The following RIN2 variants were observed in gnomAD, a reference collection of about 807,000 sequenced individuals.
The protein encoded by RIN2 is Ras and Rab interactor 2.
In RIN2, 36 loss-of-function variants were observed where a neutral mutation model predicts 78.0. The ratio of observed to expected loss-of-function variants is 0.46; its 90% CI spans 0.35 to 0.61. RIN2 has a LOEUF of 0.61. RIN2 is among the 20% of genes least tolerant of loss of function. The pLI is 0.00. For missense variants in RIN2, 1,087 were observed against 1,159.7 expected, an observed-to-expected ratio of 0.94 and a Z score of 0.91; for synonymous variants, 466 against 466.8, an observed-to-expected ratio of 1.00 and a Z score of 0.02.
At chr20:19,855,564 C>T (rs113951456) in intron 2 of RIN2, among the ~76,000 whole-genome samples, 3 of 152,134 alleles carry the variant, frequency 2.0e-5, no homozygotes, top group African/African-American at 7.2e-5. Flanking sequence ...CTTACAACCC[C>T]TTCTGACCAT....
At chr20:19,839,687 C>A (rs921428682) in intron 2 of RIN2, among the ~76,000 whole-genome samples, 2 of 152,150 alleles carry the variant, frequency 1.3e-5, no homozygotes, top group African/African-American at 4.8e-5. Flanking sequence ...TTTCTTCTTG[C>A]ACCTTTGCAA....
intron 3 of RIN2, among the ~76,000 whole-genome samples, chr20:19,891,111 A>G (rs6046426): frequency 0.54 from 82,761 of 152,132 alleles, 22,883 homozygotes; most frequent in African/African-American, 0.67. Context: ...AGATCCTGGA[A>G]GAATGAGTTA....
chr20:19,968,674 T>C (rs1393228387), intron 7 of RIN2, among the ~76,000 whole-genome samples: 1 of 152,242 alleles, frequency 6.6e-6, no homozygotes, highest in African/African-American at 2.4e-5. Flanking sequence ...CTCCAGGTAC[T>C]GCATTGAGCA....
intron 1 of RIN2, among the ~76,000 whole-genome samples, chr20:19,759,091 C>T (rs1179089356): frequency 6.6e-6 from 1 of 152,210 alleles, no homozygotes; most frequent in Non-Finnish European, 1.5e-5. Context: ...ACCAGCTCGG[C>T]GTCCACCCAC....
chr20:19,986,881 C>T (rs1443241051), intron 9 of RIN2, among the ~76,000 whole-genome samples: 2 of 152,266 alleles, frequency 1.3e-5, no homozygotes, highest in Non-Finnish European at 2.9e-5. Flanking sequence ...TACACACATG[C>T]ACACCCATGT....
chr20:19,779,065 G>A (rs1340248734), intron 1 of RIN2, among the ~76,000 whole-genome samples: 1 of 152,170 alleles, frequency 6.6e-6, no homozygotes, highest in Non-Finnish European at 1.5e-5. Flanking sequence ...GATCCCACGA[G>A]AGCAATAATG....
chr20:19,781,822 A>G (rs1193616834), intron 1 of RIN2, among the ~76,000 whole-genome samples: 1 of 151,170 alleles, frequency 6.6e-6, no homozygotes, highest in African/African-American at 2.4e-5. Flanking sequence ...CCAGGTATCC[A>G]TCTGTGGCCA....
chr20:19,875,691 T>G (rs1346950455), intron 2 of RIN2, among the ~76,000 whole-genome samples: 1 of 152,082 alleles, frequency 6.6e-6, no homozygotes, highest in African/African-American at 2.4e-5. Flanking sequence ...GGTGCAGGCC[T>G]GCAGGATGGA....
rs1470591048 is a variant in RIN2 at position 19,975,172 on chromosome 20, GGCGCAGGCCC to G, written c.1149_1158del (p.Ala384SerfsTer43). The G allele has an allele frequency of 6.2e-7, 1 of 1,611,030 alleles. No individual in the cohort carries two copies. Among genetic ancestry groups the G allele is most frequent in the Non-Finnish European group, 8.5e-7 (1 of 1,179,028 alleles). On this transcript the variant is annotated frameshift_variant, in exon 9 of 13. Coordinates refer to ENST00000255006, the MANE Select transcript of RIN2 (RefSeq NM_018993.4). LOFTEE classifies it high-confidence loss of function. This position sits in a 1 kb window ranked among gnomAD's most constrained non-coding sequence, Gnocchi z 4.9. Reference sequence around the variant, plus strand: ...AAAGACCTTGAGCGGCGGCCGGCCGGGCGCAGGCCCGGAGCTGGAGCTGGGCACAGCTGGC... The same window carrying G: ...AAAGACCTTGAGCGGCGGCCGGCCGGGGAGCTGGAGCTGGGCACAGCTGGC...
At chr20:19,764,918 G>GTTTTTTGTTTT (rs2033806296) in intron 1 of RIN2, among the ~76,000 whole-genome samples, 1 of 50,362 alleles carries the variant, frequency 2.0e-5, no homozygotes. Context: ...CACTTTCTGC[G>GTTTTTTGTTTT]TTTTTTTTTT....
chr20:19,845,137 T>A (rs2123126875), intron 2 of RIN2, among the ~76,000 whole-genome samples: 1 of 152,366 alleles, frequency 6.6e-6, no homozygotes, highest in East Asian at 1.9e-4. Context: ...CTATCATTGA[T>A]GGGCATTTGG....
At chr20:19,842,217 G>T (rs10446032) in intron 2 of RIN2, among the ~76,000 whole-genome samples, 9 of 2,538 alleles carry the variant, frequency 3.5e-3, no homozygotes, top group East Asian at 0.024. Flanking sequence ...TGTTTTTTTT[G>T]TTTGTTTGTT....
intron 3 of RIN2, among the ~76,000 whole-genome samples, chr20:19,899,360 G>C (rs8120552): frequency 0.38 from 57,207 of 152,022 alleles, 10,713 homozygotes; most frequent in African/African-American, 0.39. Flanking sequence ...GAATTGGATG[G>C]AGAATAATTT....
chr20:19,969,770 AC>A (rs1327500352), intron 7 of RIN2, among the ~76,000 whole-genome samples: 1 of 49,820 alleles, frequency 2.0e-5, no homozygotes, highest in Non-Finnish European at 3.3e-5. Context: ...CTGGAAAAAA[AC>A]AAACAAACAA....
At chr20:19,771,187 T>C (rs2034107074) in intron 1 of RIN2, among the ~76,000 whole-genome samples, 1 of 152,110 alleles carries the variant, frequency 6.6e-6, no homozygotes, top group South Asian at 2.1e-4. Context: ...GTGATCAACT[T>C]AACCTTCAGC....
chr20:19,873,477 G>A (rs185708526), intron 2 of RIN2, among the ~76,000 whole-genome samples: 46 of 152,276 alleles, frequency 3.0e-4, no homozygotes, highest in Middle Eastern at 3.4e-3. Flanking sequence ...GGGTTTGCAG[G>A]CCACGTAGTC....
At chr20:19,780,300 A>G (rs2034455988) in intron 1 of RIN2, among the ~76,000 whole-genome samples, 1 of 152,236 alleles carries the variant, frequency 6.6e-6, no homozygotes, top group South Asian at 2.1e-4. Context: ...TTGTGAAGAC[A>G]GCTTCCGATA....
chr20:19,905,094 C>G (rs1221924113), intron 3 of RIN2, among the ~76,000 whole-genome samples: 1 of 152,164 alleles, frequency 6.6e-6, no homozygotes, highest in African/African-American at 2.4e-5. Context: ...CCCGTTCCCA[C>G]TTTCTGGTCT....
intron 1 of RIN2, among the ~76,000 whole-genome samples, chr20:19,778,135 C>T (rs192025062): frequency 3.3e-5 from 5 of 152,292 alleles, no homozygotes; most frequent in South Asian, 4.1e-4. Context: ...GGCGTTGCCC[C>T]GGGTGTTTAT....
Sources: gnomAD v4.1 joint callset for allele counts (sites outside exome capture counted in the v4.1 genomes callset) on GRCh38, gnomAD v4.1.1 for gene constraint, Gnocchi (gnomAD v3.1) non-coding constraint, MANE v1.5 for transcripts, NCBI Gene and HGNC (gene_info 2026-07-23, HGNC 2026-07-21) for gene names.